CDK7: variants seen among roughly 807,000 people sequenced by gnomAD.
CDK7 encodes the protein cyclin-dependent kinase 7.
CDK7 carries 25 observed loss-of-function variants against 49.1 expected under a neutral mutation model. That is an observed-to-expected ratio of 0.51 (90% CI 0.37 to 0.71). The LOEUF (loss-of-function observed/expected upper bound fraction) is 0.71. Ranked by LOEUF, CDK7 falls within the 30% of genes least tolerant of loss-of-function variation. CDK7 has a pLI of 0.00. For synonymous variants in CDK7, 107 were observed against 140.0 expected (o/e 0.76, Z 1.67); for missense variants, 316 against 411.7 (o/e 0.77, Z 2.01).
intron 2 of CDK7, among the ~76,000 whole-genome samples, chr5:69,240,671 A>G: frequency 6.6e-6 from 1 of 152,200 alleles, no homozygotes; most frequent in East Asian, 1.9e-4. Context: ...CTCTGTCGCC[A>G]GGCTGGAGTG....
Position 69,236,979 on chromosome 5 carries a change from T to A in CDK7, c.126+1526T>A, listed in dbSNP as rs1487675621. 6.0e-5 allele frequency among the ~76,000 whole-genome samples: 8 copies of A among 133,234 alleles called. No individual in the cohort carries two copies. The East Asian group carries it at 9.1e-4, about 15-fold the overall frequency. The allele number at this position is 133,234 out of a possible 152,430, so 87.4% of individuals were successfully genotyped here. A position where few individuals can be genotyped will look rare whatever the true frequency, so the allele number is the denominator to read the frequency against. ...CTTTTTTTTTTTTTTTTTTTTTTTT[T>A]AACTTTTTTACTTTTTTTATGTCCG... On this transcript the variant is annotated intron_variant, in intron 2 of 11. Coordinates refer to ENST00000256443, the MANE Select transcript of CDK7 (RefSeq NM_001799.4).
intron 8 of CDK7, among the ~76,000 whole-genome samples, chr5:69,265,089 C>A (rs1216261984): frequency 6.6e-6 from 1 of 151,958 alleles, no homozygotes; most frequent in Non-Finnish European, 1.5e-5. Flanking sequence ...CAGTGAAACC[C>A]CGTCTCTGTT....
intron 2 of CDK7, among the ~76,000 whole-genome samples, chr5:69,245,869 T>A (rs953802989): frequency 6.6e-6 from 1 of 152,232 alleles, no homozygotes; most frequent in African/African-American, 2.4e-5. Context: ...AATTATCCTT[T>A]GGATTTCTGC....
intron 8 of CDK7, 142 bp from the exon 9 acceptor site, chr5:69,269,065 G>A (rs894998360): frequency 1.4e-5 from 8 of 567,372 alleles, no homozygotes; most frequent in East Asian, 6.0e-5. Flanking sequence ...ATCGCTTGAA[G>A]TGAGGAGGAA....
At chr5:69,239,735 AG>A (rs1218083381) in intron 2 of CDK7, among the ~76,000 whole-genome samples, 4 of 152,142 alleles carry the variant, frequency 2.6e-5, no homozygotes, top group African/African-American at 9.6e-5. Context: ...AAATCTTTAA[AG>A]GCTTCCTTTT....
chr5:69,262,325 G>A (rs748197935), intron 8 of CDK7, 21 bp downstream of exon 8: 49 of 1,613,724 alleles, frequency 3.0e-5, no homozygotes, highest in African/African-American at 6.7e-5. Flanking sequence ...ATTAATGTAC[G>A]CACTTTAATA....
At chr5:69,241,175 T>A (rs1561345076) in intron 2 of CDK7, among the ~76,000 whole-genome samples, 1 of 152,112 alleles carries the variant, frequency 6.6e-6, no homozygotes, top group Non-Finnish European at 1.5e-5. Flanking sequence ...TCCTCCATAG[T>A]GGTTGTACTA....
At chr5:69,258,729 C>G (rs994071272) in intron 6 of CDK7, among the ~76,000 whole-genome samples, 1 of 151,984 alleles carries the variant, frequency 6.6e-6, no homozygotes, top group African/African-American at 2.4e-5. Flanking sequence ...GTGACCTGAC[C>G]ATGGTTATAT....
intron 8 of CDK7, among the ~76,000 whole-genome samples, chr5:69,262,709 G>A (rs1418229551): frequency 6.6e-6 from 1 of 150,728 alleles, no homozygotes; most frequent in Non-Finnish European, 1.5e-5. Flanking sequence ...AAGAATTCTT[G>A]TCCTGCCAAT....
intron 1 of CDK7, 57 bp from the exon 2 acceptor site, chr5:69,235,336 CA>C (rs1235448517): frequency 1.5e-6 from 2 of 1,311,436 alleles, no homozygotes; most frequent in Admixed American, 1.8e-5. Flanking sequence ...TGTAAAAATG[CA>C]AAAAGGCAAA....
rs562046850 is a variant in CDK7 at position 69,249,430 on chromosome 5, T to C, written c.127-2988T>C. Among the ~76,000 whole-genome samples the C allele has an allele frequency of 2.0e-5, 3 of 151,792 alleles. No homozygotes were observed. In the South Asian group the frequency reaches 6.2e-4, roughly 32 times the overall value. On this transcript the variant is annotated intron_variant, in intron 2 of 11. Coordinates refer to ENST00000256443, the MANE Select transcript of CDK7 (RefSeq NM_001799.4). ...GTGGTTTGTGCCTGTGGTCCCAGCT[T>C]CTTGGGGGGGTCTGAGTGGAGAGGA...
chr5:69,252,484 A>C (rs775708993), intron 3 of CDK7, 33 bp downstream of exon 3: 1 of 1,067,822 alleles, frequency 9.4e-7, no homozygotes, highest in African/African-American at 1.7e-5. Context: ...CAGATAGGAA[A>C]AGTTTTCTCC....
chr5:69,255,328 T>C, intron 4 of CDK7, 132 bp from the exon 5 acceptor site: 1 of 542,206 alleles, frequency 1.8e-6, no homozygotes, highest in Admixed American at 3.2e-5. Flanking sequence ...TCAAATTTAA[T>C]CAAATGATTT....
At position 69,277,154 on chromosome 5, in the gene CDK7, T is replaced by C. The variant is rs748475019; in HGVS notation, c.*19T>C. 2.6e-5 allele frequency: 41 copies of C among 1,580,660 alleles called. No homozygotes were observed. Among genetic ancestry groups the C allele is most frequent in the Non-Finnish European group, 3.2e-5 (37 of 1,162,716 alleles). ...TTTTTAAAGAGAACACTGGACAACA[T>C]TTTACTACTGAGGGAAATAGCCAAA... is the stretch of plus-strand genomic sequence containing the variant. On this transcript the variant is annotated 3_prime_UTR_variant, in exon 12 of 12. Transcript: ENST00000256443.
intron 8 of CDK7, among the ~76,000 whole-genome samples, chr5:69,267,590 C>A (rs1751248832): frequency 6.6e-6 from 1 of 152,102 alleles, no homozygotes; most frequent in African/African-American, 2.4e-5. Context: ...AGCCACCACA[C>A]CTGGCCATCT....
At chr5:69,261,646 T>C (rs1750833627) in intron 7 of CDK7, among the ~76,000 whole-genome samples, 2 of 152,108 alleles carry the variant, frequency 1.3e-5, no homozygotes, top group African/African-American at 4.8e-5. Context: ...TTCTCCTGCC[T>C]CAGCCTCCCA....
At chr5:69,235,107 G>A in intron 1 of CDK7, 66 bp downstream of exon 1, 1 of 1,477,836 alleles carries the variant, frequency 6.8e-7, no homozygotes. Flanking sequence ...CCACCTTTGC[G>A]GGTTTTCCCG....
intron 2 of CDK7, among the ~76,000 whole-genome samples, chr5:69,242,967 C>G (rs189998148): frequency 6.6e-6 from 1 of 152,104 alleles, no homozygotes; most frequent in Non-Finnish European, 1.5e-5. Flanking sequence ...ATTGCTTGAA[C>G]CCAGGAGGTG....
intron 2 of CDK7, among the ~76,000 whole-genome samples, chr5:69,240,888 A>G (rs541535873): frequency 9.2e-5 from 14 of 152,202 alleles, no homozygotes; most frequent in African/African-American, 3.1e-4. Flanking sequence ...TGGCCTCCCA[A>G]AGTGCTGGGA....
Sources: gnomAD v4.1 joint callset for allele counts (sites outside exome capture counted in the v4.1 genomes callset) on GRCh38, gnomAD v4.1.1 for gene constraint, MANE v1.5 for transcripts, NCBI Gene and HGNC (gene_info 2026-07-23, HGNC 2026-07-21) for gene names.